The following PAWR variants were observed in gnomAD, a reference collection of about 807,000 sequenced individuals.
The protein encoded by PAWR is PRKC apoptosis WT1 regulator protein.
PAWR carries 23 observed loss-of-function variants against 32.0 expected under a neutral mutation model. The ratio of observed to expected loss-of-function variants is 0.72; its 90% CI spans 0.52 to 1.02. PAWR has a LOEUF of 1.02. Ranked by LOEUF, PAWR falls within the 50% of genes least tolerant of loss-of-function variation. PAWR has a pLI of 0.00. For synonymous variants in PAWR, 226 were observed against 187.1 expected (o/e 1.21, Z -1.70); for missense variants, 457 against 437.7 (o/e 1.04, Z -0.39).
At chr12:79,665,072 G>T (rs555171877) in intron 2 of PAWR, among the ~76,000 whole-genome samples, 31 of 152,214 alleles carry the variant, frequency 2.0e-4, no homozygotes, top group African/African-American at 4.3e-4. Context: ...TGAAAAAACA[G>T]ATTATAACAA....
At chr12:79,682,232 G>A (rs546531644) in intron 2 of PAWR, among the ~76,000 whole-genome samples, 1 of 152,060 alleles carries the variant, frequency 6.6e-6, no homozygotes, top group African/African-American at 2.4e-5. Flanking sequence ...GCTCACTGCA[G>A]GCTCGACCTC....
At chr12:79,604,389 T>C (rs1874085504) in intron 4 of PAWR, 1 of 1,017,500 alleles carries the variant, frequency 9.8e-7, no homozygotes, top group Admixed American at 5.9e-5. Flanking sequence ...CCAGGGGGTG[T>C]TGTGTTGGGG....
rs1433300591 is a variant in PAWR, at chr12:79,689,786, C to G, written c.459G>C (p.Lys153Asn). The change falls in exon 2 of 7, where the codon AAG becomes AAC. Residue 153 changes from lysine (K) to asparagine (N), a missense_variant. Transcript: ENST00000328827. ...SARKGKGQIEKRKLREKRRST... is the reference protein window; with the variant it reads ...SARKGKGQIENRKLREKRRST... ...AGCGCCGCTTCTCCCGCAGCTTCCT[C>G]TTCTCGATCTGCCCCTTGCCTTTCC... 6.3e-7 allele frequency: 1 copy of G among 1,593,982 alleles called. No individual in the cohort carries two copies. The highest frequency in any genetic ancestry group is 8.5e-7 in the Non-Finnish European group (1 of 1,171,254).
chr12:79,677,658 A>T (rs940967891), intron 2 of PAWR, among the ~76,000 whole-genome samples: 1 of 152,290 alleles, frequency 6.6e-6, no homozygotes, highest in South Asian at 2.1e-4. Flanking sequence ...TTCCTAAAAC[A>T]TGGTTTGGAG....
At chr12:79,619,638 C>T (rs569249042) in intron 3 of PAWR, among the ~76,000 whole-genome samples, 2 of 152,140 alleles carry the variant, frequency 1.3e-5, no homozygotes, top group East Asian at 1.9e-4. Context: ...ATCATTGAAA[C>T]GGCTTGTAAA....
rs1419635457 is a variant in PAWR, at chr12:79,586,762, C to T, written c.*5845G>A. 1 of 152,080 alleles carries T rather than the reference C, an allele frequency of 6.6e-6. No individual in the cohort carries two copies. Among genetic ancestry groups the T allele is most frequent in the African/African-American group, 2.4e-5 (1 of 41,408 alleles). 9.4% of individuals were successfully genotyped at this position (152,080 alleles called of 1,614,324 possible). ...TCCTTTCTTTAAAAGGATTTTGATT[C>T]AGTCATAACAGATTTTTGAAAGTGA... On this transcript the variant is annotated 3_prime_UTR_variant, in exon 7 of 7. Coordinates refer to ENST00000328827, the MANE Select transcript of PAWR (RefSeq NM_002583.4).
At chr12:79,620,936 G>C (rs1874974545) in intron 3 of PAWR, 140 bp downstream of exon 3, 2 of 648,856 alleles carry the variant, frequency 3.1e-6, no homozygotes, top group South Asian at 2.0e-5. Flanking sequence ...TGTGATGTCA[G>C]AACCCACTTA....
chr12:79,682,232 G>C (rs546531644), intron 2 of PAWR, among the ~76,000 whole-genome samples: 1 of 152,178 alleles, frequency 6.6e-6, no homozygotes, highest in East Asian at 1.9e-4. Flanking sequence ...GCTCACTGCA[G>C]GCTCGACCTC....
At chr12:79,616,720 G>GTT (rs138472773) in intron 3 of PAWR, among the ~76,000 whole-genome samples, 2 of 148,610 alleles carry the variant, frequency 1.3e-5, no homozygotes, top group Non-Finnish European at 3.0e-5. Context: ...AGTTGTTTGG[G>GTT]TTTTTTTTTT....
intron 4 of PAWR, among the ~76,000 whole-genome samples, chr12:79,607,040 G>A (rs1187361641): frequency 6.6e-6 from 1 of 152,108 alleles, no homozygotes; most frequent in East Asian, 1.9e-4. Context: ...TGACTTTCAT[G>A]TACTGTTTTC....
chr12:79,683,299 C>A (rs1878530333), intron 2 of PAWR, among the ~76,000 whole-genome samples: 1 of 152,192 alleles, frequency 6.6e-6, no homozygotes, highest in Admixed American at 6.5e-5. Flanking sequence ...AACATTTTCA[C>A]AAACATCATT....
intron 2 of PAWR, among the ~76,000 whole-genome samples, chr12:79,631,061 A>C (rs185413917): frequency 6.6e-6 from 1 of 152,272 alleles, no homozygotes; most frequent in African/African-American, 2.4e-5. Flanking sequence ...AAAGGAGAAA[A>C]ATATATAATC....
At chr12:79,638,661 G>C (rs1450582266) in intron 2 of PAWR, among the ~76,000 whole-genome samples, 4 of 150,894 alleles carry the variant, frequency 2.7e-5, no homozygotes, top group Non-Finnish European at 4.4e-5. Flanking sequence ...TTGCAACAAC[G>C]GCAGTGGGTT....
intron 4 of PAWR, among the ~76,000 whole-genome samples, chr12:79,598,775 C>T (rs565536138): frequency 2.0e-5 from 3 of 152,306 alleles, no homozygotes; most frequent in African/African-American, 7.2e-5. Flanking sequence ...ATTTTTGTCA[C>T]CTGATCTTAT....
chr12:79,619,053 A>C (rs1339834620), intron 3 of PAWR, among the ~76,000 whole-genome samples: 1 of 151,730 alleles, frequency 6.6e-6, no homozygotes, highest in Admixed American at 6.5e-5. Context: ...ATTTTAATTG[A>C]TAAAATTTTA....
chr12:79,600,447 G>A (rs952717266), intron 4 of PAWR, among the ~76,000 whole-genome samples: 2 of 147,998 alleles, frequency 1.4e-5, no homozygotes, highest in Admixed American at 1.4e-4. Context: ...TAAAATTAAC[G>A]AGATTTTAAA....
rs576938893 is a variant in PAWR at position 79,642,559 on chromosome 12, C to T, written c.517-21352G>A. Reference sequence around the variant, plus strand: ...TGGTCACCTTTCTTTCTCATTGTATCTTCATTTGGCCTTTTTTCTGTGTGT... The same window carrying T: ...TGGTCACCTTTCTTTCTCATTGTATTTTCATTTGGCCTTTTTTCTGTGTGT... On this transcript the variant is annotated intron_variant, in intron 2 of 6. Transcript: ENST00000328827. Among the ~76,000 whole-genome samples the T allele has an allele frequency of 1.7e-3, 260 of 151,944 alleles. 1 individual carries two copies. Among genetic ancestry groups the T allele is most frequent in the African/African-American group, 6.1e-3 (254 of 41,434 alleles).
At chr12:79,614,404 T>A (rs1874628130) in intron 3 of PAWR, among the ~76,000 whole-genome samples, 1 of 152,100 alleles carries the variant, frequency 6.6e-6, no homozygotes, top group South Asian at 2.1e-4. Flanking sequence ...TAGTTCCTAT[T>A]TTTAAAGACT....
At chr12:79,602,854 T>A (rs1311455018) in intron 4 of PAWR, among the ~76,000 whole-genome samples, 1 of 150,616 alleles carries the variant, frequency 6.6e-6, no homozygotes, top group African/African-American at 2.4e-5. Flanking sequence ...TCTGGAGTCA[T>A]CAGCATTATG....
Sources: allele counts gnomAD v4.1 joint callset (sites outside exome capture counted in the v4.1 genomes callset), GRCh38; gene constraint gnomAD v4.1.1; transcripts MANE v1.5; gene names NCBI Gene and HGNC (gene_info 2026-07-23, HGNC 2026-07-21).